MSI2: variants seen among roughly 807,000 people sequenced by gnomAD.
MSI2 encodes the protein RNA-binding protein Musashi homolog 2.
Under a neutral mutation model 45.6 loss-of-function variants are expected in MSI2, and 17 were observed. The ratio of observed to expected loss-of-function variants is 0.37; its 90% confidence interval spans 0.26 to 0.56. The LOEUF (loss-of-function observed/expected upper bound fraction) is 0.56. Ranked by LOEUF, MSI2 falls within the 20% of genes least tolerant of loss-of-function variation. The pLI is 0.77. For missense variants in MSI2, 293 were observed against 444.2 expected (o/e 0.66, Z 3.06); for synonymous variants, 156 against 158.2 (o/e 0.99, Z 0.11).
rs1036764145 is a variant in MSI2 at position 57,529,063 on chromosome 17, G to T, written c.406-613G>T. Reference sequence around the variant, plus strand: ...TGTTTGCCATATTGTAATGTTACAGGTTAACAAAAGGACAAATTCCATATA... The same window carrying T: ...TGTTTGCCATATTGTAATGTTACAGTTTAACAAAAGGACAAATTCCATATA... On this transcript the variant is annotated intron_variant, in intron 6 of 13. Transcript: ENST00000284073. The surrounding 1 kb of genome is among the most constrained non-coding windows in gnomAD (Gnocchi z 5.3). 3.9e-5 allele frequency among the ~76,000 whole-genome samples: 6 copies of T among 152,088 alleles called. No individual in the cohort carries two copies. Among genetic ancestry groups the T allele is most frequent in the Non-Finnish European group, 8.8e-5 (6 of 68,018 alleles).
At chr17:57,503,589 T>C (rs2111016) in intron 6 of MSI2, among the ~76,000 whole-genome samples, 135,715 of 152,282 alleles carry the variant, frequency 0.89, 60,711 homozygotes, top group African/African-American at 0.97. Flanking sequence ...TCTTTAAAGT[T>C]CCAGAGCAAT....
chr17:57,533,748 G>A (rs1278351718), intron 7 of MSI2, among the ~76,000 whole-genome samples: 2 of 152,176 alleles, frequency 1.3e-5, no homozygotes, highest in Non-Finnish European at 2.9e-5. Flanking sequence ...TGGTTCTTCA[G>A]GGGTCCCCAG....
chr17:57,508,999 A>C (rs980025980), intron 6 of MSI2, among the ~76,000 whole-genome samples: 2 of 152,216 alleles, frequency 1.3e-5, no homozygotes, highest in African/African-American at 2.4e-5. Context: ...CCCCTGAGTC[A>C]GATCAGCATC....
At chr17:57,548,694 G>C (rs1457018024) in intron 7 of MSI2, among the ~76,000 whole-genome samples, 1 of 152,020 alleles carries the variant, frequency 6.6e-6, no homozygotes, top group African/African-American at 2.4e-5. Context: ...GGAGCGGGTG[G>C]GGGTGGTGCA....
intron 6 of MSI2, among the ~76,000 whole-genome samples, chr17:57,515,983 A>C (rs144498209): frequency 5.3e-5 from 8 of 152,316 alleles, no homozygotes; most frequent in African/African-American, 1.9e-4. Flanking sequence ...TGAACCCTTC[A>C]TCCAGCTTCC....
At position 57,347,748 on chromosome 17, in the gene MSI2, T is replaced by G. The variant is rs1915726024; in HGVS notation, c.313-53631T>G. Among the ~76,000 whole-genome samples the G allele has an allele frequency of 2.6e-5, 4 of 152,236 alleles. No individual in the cohort carries two copies. In the South Asian group the frequency reaches 8.3e-4, roughly 32 times the overall value. On this transcript the variant is annotated intron_variant, in intron 5 of 13. Transcript: ENST00000284073. The stretch of plus-strand genomic sequence containing the variant: ...TCTCTAGGTTCTCCACAATACCTGC[T>G]TCCGTGGAATTGGCTGGAGTCGATG...
intron 6 of MSI2, among the ~76,000 whole-genome samples, chr17:57,415,222 A>G (rs901203948): frequency 2.6e-5 from 4 of 152,178 alleles, no homozygotes; most frequent in Admixed American, 2.6e-4. Context: ...GTGGGGAATG[A>G]AAATGGGTCC....
rs145066290 is a variant in MSI2 at position 57,566,623 on chromosome 17, G to A, written c.455-30245G>A. Among the ~76,000 whole-genome samples the A allele has an allele frequency of 3.6e-3, 551 of 152,242 alleles. 3 individuals carry two copies. The highest frequency in any genetic ancestry group is 0.015 in the South Asian group (72 of 4,822). Reference sequence around the variant, plus strand: ...ATCATTTCAAGACACAGAATATAGCGCAGCATTGCTTTCTGGGATGAACGT... The same window carrying A: ...ATCATTTCAAGACACAGAATATAGCACAGCATTGCTTTCTGGGATGAACGT... On this transcript the variant is annotated intron_variant, in intron 7 of 13. Transcript: ENST00000284073.
At chr17:57,339,022 G>GA (rs1359942831) in intron 5 of MSI2, among the ~76,000 whole-genome samples, 1 of 152,204 alleles carries the variant, frequency 6.6e-6, no homozygotes, top group Admixed American at 6.5e-5. Flanking sequence ...GGGGAGAGGG[G>GA]ATCAGACTTT....
intron 6 of MSI2, among the ~76,000 whole-genome samples, chr17:57,419,464 G>C (rs1022918318): frequency 1.4e-4 from 21 of 151,882 alleles, no homozygotes; most frequent in Non-Finnish European, 2.5e-4. Flanking sequence ...CCAGGTTCAA[G>C]CGATTCTCCT....
At position 57,681,889 on chromosome 17, in the gene MSI2, C is replaced by G; in HGVS notation, c.*2372C>G. On this transcript the variant is annotated 3_prime_UTR_variant, in exon 14 of 14. Coordinates refer to ENST00000284073, the MANE Select transcript of MSI2 (RefSeq NM_138962.4). ...AGTGTTTAGACGAGGGAATTTAATT[C>G]CTATTTTGTCCATGTTGGTGATGTA... 1 of 203,926 alleles carries G rather than the reference C, an allele frequency of 4.9e-6. No individual in the cohort carries two copies. 12.6% of individuals were successfully genotyped at this position (203,926 alleles called of 1,614,324 possible).
chr17:57,664,240 C>A (rs1010930925), intron 11 of MSI2, among the ~76,000 whole-genome samples: 3 of 152,144 alleles, frequency 2.0e-5, no homozygotes, highest in Non-Finnish European at 2.9e-5. Context: ...GAGAACAGGC[C>A]GGGCACGGTG....
intron 8 of MSI2, among the ~76,000 whole-genome samples, chr17:57,613,193 C>T (rs959968907): frequency 1.3e-5 from 2 of 152,116 alleles, no homozygotes; most frequent in Non-Finnish European, 2.9e-5. Context: ...GCAAAATGCC[C>T]AATTAAAATT....
At chr17:57,566,855 T>A (rs1057208515) in intron 7 of MSI2, among the ~76,000 whole-genome samples, 3 of 152,148 alleles carry the variant, frequency 2.0e-5, no homozygotes, top group Non-Finnish European at 4.4e-5. Flanking sequence ...TTAGGAGAGT[T>A]GCTGGTGGCT....
intron 5 of MSI2, among the ~76,000 whole-genome samples, chr17:57,364,317 A>G (rs1917030689): frequency 6.6e-6 from 1 of 152,200 alleles, no homozygotes; most frequent in African/African-American, 2.4e-5. Flanking sequence ...GGCTTTGAAT[A>G]AAATAAAATA....
intron 6 of MSI2, among the ~76,000 whole-genome samples, chr17:57,422,305 C>A (rs968059776): frequency 1.3e-5 from 2 of 152,082 alleles, no homozygotes; most frequent in Admixed American, 6.6e-5. Flanking sequence ...ACTAAAAATA[C>A]AAAAATTATC....
intron 5 of MSI2, among the ~76,000 whole-genome samples, chr17:57,319,965 G>A (rs765777149): frequency 2.6e-5 from 4 of 152,118 alleles, no homozygotes; most frequent in South Asian, 4.1e-4. Context: ...GGCGACTGCA[G>A]CTCTCAGATC....
At chr17:57,305,411 C>T (rs957202870) in intron 5 of MSI2, among the ~76,000 whole-genome samples, 4 of 152,178 alleles carry the variant, frequency 2.6e-5, no homozygotes, top group Non-Finnish European at 5.9e-5. Context: ...GTTGTGCCTT[C>T]TTGCAAACAA....
intron 5 of MSI2, among the ~76,000 whole-genome samples, chr17:57,304,454 A>C (rs1172581982): frequency 4.3e-5 from 6 of 139,868 alleles, no homozygotes; most frequent in Non-Finnish European, 9.2e-5. Context: ...ACCGAGTCTC[A>C]CTCTATCTCC....
Sources: gnomAD v4.1 joint callset for allele counts (sites outside exome capture counted in the v4.1 genomes callset) on GRCh38, gnomAD v4.1.1 for gene constraint, Gnocchi (gnomAD v3.1) non-coding constraint, MANE v1.5 for transcripts, NCBI Gene and HGNC (gene_info 2026-07-23, HGNC 2026-07-21) for gene names.